KALRN: variants seen among roughly 807,000 people sequenced by gnomAD.
KALRN encodes kalirin.
KALRN carries 70 observed loss-of-function variants against 353.7 expected under a neutral mutation model. That is an observed-to-expected ratio of 0.20 (90% CI 0.16 to 0.24). KALRN has a LOEUF of 0.24. Ranked by LOEUF, KALRN falls within the 10% of genes least tolerant of loss-of-function variation. KALRN has a pLI of 1.00. For missense variants in KALRN, 2,791 were observed against 3,756.7 expected, an observed-to-expected ratio of 0.74 and a Z score of 6.72; for synonymous variants, 1,391 against 1,434.8, an observed-to-expected ratio of 0.97 and a Z score of 0.69.
intron 11 of KALRN, among the ~76,000 whole-genome samples, chr3:124,388,626 C>T (rs1380894288): frequency 1.3e-5 from 2 of 152,178 alleles, no homozygotes; most frequent in Non-Finnish European, 2.9e-5. Context: ...AGAGTCCCTT[C>T]AATCACATTT....
intron 10 of KALRN, among the ~76,000 whole-genome samples, chr3:124,349,198 A>G (rs576281324): frequency 1.3e-5 from 2 of 152,360 alleles, no homozygotes; most frequent in African/African-American, 4.8e-5. Flanking sequence ...CCTTGAAGAC[A>G]TTATACTAAG....
At chr3:124,122,312 G>A (rs1054719141) in intron 1 of KALRN, among the ~76,000 whole-genome samples, 1 of 152,016 alleles carries the variant, frequency 6.6e-6, no homozygotes, top group Non-Finnish European at 1.5e-5. Context: ...TGTCTTATAT[G>A]TAGGGGTGCA....
At chr3:124,564,971 A>G (rs1225327352) in intron 34 of KALRN, among the ~76,000 whole-genome samples, 1 of 152,222 alleles carries the variant, frequency 6.6e-6, no homozygotes, top group Non-Finnish European at 1.5e-5. Flanking sequence ...CCTGTGCTAG[A>G]TATTTCTAGG....
At chr3:124,580,843 C>T (rs903860465) in intron 34 of KALRN, among the ~76,000 whole-genome samples, 3 of 151,982 alleles carry the variant, frequency 2.0e-5, no homozygotes, top group African/African-American at 7.3e-5. Context: ...TGTGGTGGCT[C>T]ACACCTGTAA....
chr3:124,483,837 C>T (rs979754169), intron 28 of KALRN, among the ~76,000 whole-genome samples: 55 of 152,132 alleles, frequency 3.6e-4, no homozygotes, highest in African/African-American at 1.3e-3. Context: ...ATATGCAAAA[C>T]ACTAAGTAAT....
intron 11 of KALRN, among the ~76,000 whole-genome samples, 164 bp from the exon 12 acceptor site, chr3:124,394,971 T>C (rs1319279663): frequency 2.0e-5 from 3 of 152,058 alleles, no homozygotes; most frequent in Admixed American, 6.6e-5. Context: ...AGACTGGTGA[T>C]GAATATAAAT....
At chr3:124,612,510 T>A (rs2078112885) in intron 34 of KALRN, among the ~76,000 whole-genome samples, 1 of 151,472 alleles carries the variant, frequency 6.6e-6, no homozygotes, top group Non-Finnish European at 1.5e-5. Flanking sequence ...GCAATTTTTG[T>A]ATTTTTAATA....
chr3:124,575,578 G>A (rs1349261378), intron 34 of KALRN, among the ~76,000 whole-genome samples: 1 of 152,166 alleles, frequency 6.6e-6, no homozygotes, highest in Non-Finnish European at 1.5e-5. Context: ...CTGTGGGTTG[G>A]AAATGCAACA....
chr3:124,081,660 C>A (rs143176707), intron 1 of KALRN, among the ~76,000 whole-genome samples: 361 of 152,230 alleles, frequency 2.4e-3, no homozygotes, highest in African/African-American at 8.0e-3. Flanking sequence ...AGTCCAGCTA[C>A]TCAGGAGGCC....
chr3:124,694,540 C>T (rs368763219), intron 53 of KALRN, 37 bp downstream of exon 53: 32 of 1,595,920 alleles, frequency 2.0e-5, no homozygotes, highest in Non-Finnish European at 2.5e-5. Context: ...ACAGCAGCCC[C>T]TTGCTTGACA....
In KALRN at chr3:124,446,873, G is replaced by A. The variant is rs745386897; in HGVS notation, c.3540G>A (p.Arg1180=). The A allele has an allele frequency of 5.6e-6, 9 of 1,613,974 alleles. No homozygotes were observed. In the East Asian group the frequency reaches 6.7e-5, roughly 12 times the overall value. The change falls in exon 21 of 60, where the codon AGG becomes AGA. Residue 1180 remains arginine (R), a synonymous_variant. Transcript: ENST00000682506. ...QELLKEYGEF[R]VPAKQTKEKV... is the part of the protein sequence containing the mutation. ...TGCTGAAAGAATATGGGGAATTCAG[G>A]GTGCCTGCCAAGGTAGGAAACATCC...
chr3:124,124,326 A>G (rs1272485176), intron 1 of KALRN, among the ~76,000 whole-genome samples: 1 of 152,254 alleles, frequency 6.6e-6, no homozygotes, highest in East Asian at 1.9e-4. Flanking sequence ...AATTAGAAGT[A>G]GAGCTTGAAG....
At chr3:124,687,398 A>G (rs1383123779) in intron 51 of KALRN, among the ~76,000 whole-genome samples, 1 of 152,118 alleles carries the variant, frequency 6.6e-6, no homozygotes, top group East Asian at 1.9e-4. Context: ...CAGTGCATAC[A>G]CAGCAACGCA....
At chr3:124,592,174 C>T (rs1460122824) in intron 34 of KALRN, among the ~76,000 whole-genome samples, 7 of 151,876 alleles carry the variant, frequency 4.6e-5, no homozygotes, top group African/African-American at 1.2e-4. Flanking sequence ...TGGTGGTGCA[C>T]GTCTATAACC....
chr3:124,199,561 T>G (rs2075768276), intron 1 of KALRN, among the ~76,000 whole-genome samples: 1 of 150,458 alleles, frequency 6.6e-6, no homozygotes, highest in Admixed American at 6.6e-5. Context: ...TATTAAGAAG[T>G]TACATATGCC....
chr3:124,647,509 C>T (rs756909606), intron 37 of KALRN, among the ~76,000 whole-genome samples: 14 of 152,164 alleles, frequency 9.2e-5, no homozygotes, highest in Non-Finnish European at 1.9e-4. Flanking sequence ...CCTATTTATC[C>T]ATTCTCAGTT....
chr3:124,383,100 C>T (rs1027451384), intron 10 of KALRN, among the ~76,000 whole-genome samples: 1 of 152,142 alleles, frequency 6.6e-6, no homozygotes, highest in African/African-American at 2.4e-5. Flanking sequence ...TTTTTCAACC[C>T]GGTCTCACCA....
chr3:124,713,994 G>A (rs1329484342), intron 58 of KALRN, among the ~76,000 whole-genome samples: 1 of 151,620 alleles, frequency 6.6e-6, no homozygotes, highest in African/African-American at 2.4e-5. Context: ...GTTTGAGTCA[G>A]TAACTTGTCA....
intron 5 of KALRN, among the ~76,000 whole-genome samples, chr3:124,293,283 T>C (rs1393643827): frequency 6.6e-6 from 1 of 152,200 alleles, no homozygotes; most frequent in East Asian, 1.9e-4. Context: ...TAATCTATAA[T>C]TAGAGTATAA....
Sources: gnomAD v4.1 joint callset for allele counts (sites outside exome capture counted in the v4.1 genomes callset) on GRCh38, gnomAD v4.1.1 for gene constraint, MANE v1.5 for transcripts, NCBI Gene and HGNC (gene_info 2026-07-23, HGNC 2026-07-21) for gene names.